The following SEMA3A variants were observed in gnomAD, a reference collection of about 807,000 sequenced individuals.
SEMA3A encodes the protein semaphorin-3A.
In SEMA3A, 29 loss-of-function variants were observed where a neutral mutation model predicts 97.9. The observed-to-expected ratio is 0.30, with a 90% confidence interval of 0.22 to 0.40. The LOEUF is 0.40. Ranked by LOEUF, SEMA3A falls within the 10% of genes least tolerant of loss-of-function variation. SEMA3A has a pLI of 1.00. For missense variants in SEMA3A, 763 were observed against 951.3 expected (o/e 0.80, Z 2.60); for synonymous variants, 321 against 323.7 (o/e 0.99, Z 0.09).
intron 1 of SEMA3A, among the ~76,000 whole-genome samples, chr7:84,489,760 C>A (rs1336883588): frequency 1.3e-5 from 2 of 151,956 alleles, no homozygotes; most frequent in Non-Finnish European, 1.5e-5. Flanking sequence ...TTTTTCTACA[C>A]TTTCTATCTT....
chr7:84,382,686 G>T (rs1210762049), intron 1 of SEMA3A, among the ~76,000 whole-genome samples: 1 of 112,266 alleles, frequency 8.9e-6, no homozygotes, highest in Non-Finnish European at 1.7e-5. Context: ...GTGAAACCCT[G>T]TCTCTACTAA....
chr7:84,244,549 A>T (rs776562529), intron 3 of SEMA3A, among the ~76,000 whole-genome samples: 1 of 152,100 alleles, frequency 6.6e-6, no homozygotes, highest in Non-Finnish European at 1.5e-5. Flanking sequence ...TACAATTTCC[A>T]GTCTGTGTCT....
In SEMA3A at chr7:84,007,307, G is replaced by C. The variant is rs1533996; in HGVS notation, c.1140+46C>G. 14,476 of 1,474,752 alleles carry C rather than the reference G, an allele frequency of 9.8e-3. 1,233 individuals are homozygous for C. The African/African-American group carries it at 0.18, about 19-fold the overall frequency. The allele number at this position is 1,474,752 out of a possible 1,614,324, so 91.4% of individuals were successfully genotyped here. ...GTAGCTGCATTGTTTTTTGACCTTT[G>C]GCAGAAATATATTCATTTCATATTT... On this transcript the variant is annotated intron_variant, in intron 10 of 16. Coordinates refer to ENST00000265362, the MANE Select transcript of SEMA3A (RefSeq NM_006080.3).
rs1303207005 is a variant in SEMA3A at position 84,007,338 on chromosome 7, A to T, written c.1140+15T>A. 1 of 1,580,768 alleles carries T rather than the reference A, an allele frequency of 6.3e-7. No individual in the cohort carries two copies. Among genetic ancestry groups the T allele is most frequent in the Non-Finnish European group, 8.6e-7 (1 of 1,164,632 alleles). The stretch of plus-strand genomic sequence containing the variant: ...AATATATTCATTTCATATTTTAAAC[A>T]CCTAAGCTACTTACAGTTCCTGGCC... On this transcript the variant is annotated intron_variant, in intron 10 of 16. Transcript: ENST00000265362.
In SEMA3A at chr7:84,194,509, C is replaced by A. The variant is rs1191861548; in HGVS notation, c.78G>T (p.Lys26Asn). 1 of 1,612,362 alleles carries A rather than the reference C, an allele frequency of 6.2e-7. No individual in the cohort carries two copies. The highest frequency in any genetic ancestry group is 8.5e-7 in the Non-Finnish European group (1 of 1,178,554). ...ATAATTTCAGCCTTGGCACATTGTT[C>A]TTCCCATTCTGATAGTTTGCTCTTG... Reference protein sequence around the residue: ...LTARANYQNGKNNVPRLKLSY... With the variant: ...LTARANYQNGNNNVPRLKLSY... The change falls in exon 1 of 17, where the codon AAG (lysine) becomes AAT (asparagine). Residue 26 changes from lysine to asparagine, a missense_variant. Around this residue, in one of 2 missense-constraint regions of SEMA3A, gnomAD observed 85 missense variants for 70.0 expected, o/e 1.21. Coordinates refer to ENST00000265362, the MANE Select transcript of SEMA3A (RefSeq NM_006080.3).
intron 1 of SEMA3A, among the ~76,000 whole-genome samples, chr7:84,464,636 C>T (rs1433102625): frequency 6.6e-6 from 1 of 152,022 alleles, no homozygotes; most frequent in African/African-American, 2.4e-5. Flanking sequence ...CCACAGAAAT[C>T]CATAAAAAAG....
At chr7:84,008,259 A>T (rs1389686696) in intron 9 of SEMA3A, among the ~76,000 whole-genome samples, 1 of 152,214 alleles carries the variant, frequency 6.6e-6, no homozygotes, top group Non-Finnish European at 1.5e-5. Context: ...TGGGAGGCCA[A>T]GGCGGGCGGA....
intron 1 of SEMA3A, among the ~76,000 whole-genome samples, chr7:84,167,522 CAG>C (rs1435321634): frequency 6.6e-6 from 1 of 152,042 alleles, no homozygotes; most frequent in African/African-American, 2.4e-5. Flanking sequence ...ACTAGAGACA[CAG>C]AGAGTTGAGT....
intron 1 of SEMA3A, among the ~76,000 whole-genome samples, chr7:84,459,403 C>T (rs764247093): frequency 1.3e-5 from 2 of 152,124 alleles, no homozygotes; most frequent in African/African-American, 2.4e-5. Context: ...AAAGTAGTAA[C>T]GATGAGTTGC....
chr7:84,110,757 G>A (rs879495036), intron 3 of SEMA3A, among the ~76,000 whole-genome samples, 168 bp from the exon 4 acceptor site: 1 of 148,998 alleles, frequency 6.7e-6, no homozygotes, highest in Non-Finnish European at 1.5e-5. Context: ...CTATTGTTTT[G>A]CTTATATTAT....
chr7:84,358,365 T>G (rs1157225314), intron 2 of SEMA3A, among the ~76,000 whole-genome samples: 1 of 152,196 alleles, frequency 6.6e-6, no homozygotes, highest in Non-Finnish European at 1.5e-5. Context: ...GGCTAGCCAG[T>G]TTTCCCAGCA....
At chr7:84,090,268 C>T (rs1185867548) in intron 4 of SEMA3A, among the ~76,000 whole-genome samples, 1 of 152,010 alleles carries the variant, frequency 6.6e-6, no homozygotes, top group African/African-American at 2.4e-5. Flanking sequence ...TTTAATATTA[C>T]ATAGGAAAAA....
intron 15 of SEMA3A, among the ~76,000 whole-genome samples, chr7:83,975,007 T>C (rs1430867727): frequency 1.3e-5 from 2 of 152,180 alleles, no homozygotes; most frequent in Non-Finnish European, 2.9e-5. Flanking sequence ...ACTCACTTTA[T>C]TTCTTACTTC....
chr7:84,073,069 C>T (rs1449780573), intron 4 of SEMA3A, among the ~76,000 whole-genome samples: 1 of 151,874 alleles, frequency 6.6e-6, no homozygotes, highest in African/African-American at 2.4e-5. Context: ...GTAGTAGAAA[C>T]AATTTTATTT....
Position 84,175,158 on chromosome 7 carries a change from C to T in SEMA3A, c.112+19317G>A, listed in dbSNP as rs1797523456. Among the ~76,000 whole-genome samples, 3 of 151,998 alleles carry T rather than the reference C, an allele frequency of 2.0e-5. No individual in the cohort carries two copies. In the South Asian group the frequency reaches 6.2e-4, roughly 31 times the overall value. On this transcript the variant is annotated intron_variant, in intron 1 of 16. Transcript: ENST00000265362. ...GGAGATTCTAGCTTTTTTCCTACTGCTTGTTCTACTTTGAGCCTTGGTTTC... is the reference window on the plus strand; with the variant it reads ...GGAGATTCTAGCTTTTTTCCTACTGTTTGTTCTACTTTGAGCCTTGGTTTC...
intron 4 of SEMA3A, among the ~76,000 whole-genome samples, chr7:84,066,989 G>C (rs1793532011): frequency 6.6e-6 from 1 of 152,040 alleles, no homozygotes; most frequent in South Asian, 2.1e-4. Context: ...AAAGAACAAA[G>C]CTGGAGGCAT....
rs904851086 is a variant in SEMA3A at position 83,959,052 on chromosome 7, C to G, written c.*2319G>C. The G allele has an allele frequency of 6.6e-6, 1 of 152,002 alleles. No homozygotes were observed. Among genetic ancestry groups the G allele is most frequent in the Non-Finnish European group, 1.5e-5 (1 of 67,922 alleles). The allele number at this position is 152,002 out of a possible 1,614,324, so 9.4% of individuals were successfully genotyped here. On this transcript the variant is annotated 3_prime_UTR_variant, in exon 17 of 17. Coordinates refer to ENST00000265362, the MANE Select transcript of SEMA3A (RefSeq NM_006080.3). ...TTATATCTACAATTTTCTTTGAAAA[C>G]TTAGACCTGATGGTATATAAAGACA...
intron 1 of SEMA3A, among the ~76,000 whole-genome samples, chr7:84,473,529 C>T (rs1806207393): frequency 6.6e-6 from 1 of 151,710 alleles, no homozygotes; most frequent in Admixed American, 6.6e-5. Flanking sequence ...GCTGGGATTA[C>T]AGGTGTGCAC....
At chr7:84,109,971 A>G (rs1348563294) in intron 4 of SEMA3A, among the ~76,000 whole-genome samples, 2 of 152,176 alleles carry the variant, frequency 1.3e-5, no homozygotes, top group African/African-American at 2.4e-5. Context: ...CCACCAAATT[A>G]ATAACGAAAA....
Sources: allele counts gnomAD v4.1 joint callset (sites outside exome capture counted in the v4.1 genomes callset), GRCh38; gene constraint gnomAD v4.1.1; regional missense constraint gnomAD v4.1.1; transcripts MANE v1.5; gene names NCBI Gene and HGNC (gene_info 2026-07-23, HGNC 2026-07-21).